LRFN2: variants seen among roughly 807,000 people sequenced by gnomAD.
LRFN2 encodes the protein leucine-rich repeat and fibronectin type-III domain-containing protein 2.
In LRFN2, 18 loss-of-function variants were observed where a neutral mutation model predicts 37.3. That is an observed-to-expected ratio of 0.48 (90% CI 0.33 to 0.72). The LOEUF (loss-of-function observed/expected upper bound fraction) is 0.72, where lower values mean the gene tolerates loss of function less well. Among genes scored for constraint, LRFN2 ranks in the 30% least tolerant of loss-of-function variants. The pLI, the probability that LRFN2 is intolerant of heterozygous loss-of-function variation, is 0.02. For missense variants in LRFN2, 1,006 were observed against 1,060.7 expected, an observed-to-expected ratio of 0.95 and a Z score of 0.72; for synonymous variants, 556 against 466.6, an observed-to-expected ratio of 1.19 and a Z score of -2.47.
intron 1 of LRFN2, among the ~76,000 whole-genome samples, chr6:40,449,970 T>A (rs56788449): frequency 0.016 from 2,484 of 152,300 alleles, 69 homozygotes; most frequent in African/African-American, 0.055. Flanking sequence ...CTAACTGATA[T>A]GAATTTCCAA....
intron 2 of LRFN2, 108 bp downstream of exon 2, chr6:40,431,606 A>G (rs1581699137): frequency 1.1e-6 from 1 of 915,418 alleles, no homozygotes; most frequent in South Asian, 2.5e-5. Context: ...CCCCACAGAC[A>G]CCTTTGGGGA....
At chr6:40,561,218 TC>T (rs1766987879) in intron 1 of LRFN2, among the ~76,000 whole-genome samples, 2 of 152,036 alleles carry the variant, frequency 1.3e-5, no homozygotes, top group South Asian at 4.2e-4. Context: ...CAGGGACTGG[TC>T]CCCTACCTTC....
intron 1 of LRFN2, among the ~76,000 whole-genome samples, chr6:40,510,640 A>C (rs1399181567): frequency 6.6e-6 from 1 of 152,220 alleles, no homozygotes; most frequent in Non-Finnish European, 1.5e-5. Flanking sequence ...ACATTCAAAC[A>C]CAGAAGCCAG....
At chr6:40,446,352 C>T (rs74889415) in intron 1 of LRFN2, among the ~76,000 whole-genome samples, 6,455 of 152,294 alleles carry the variant, frequency 0.042, 234 homozygotes, top group East Asian at 0.18. Flanking sequence ...CTAGGGCCCA[C>T]GAAGGCCATA....
chr6:40,518,236 G>A (rs973025026), intron 1 of LRFN2, among the ~76,000 whole-genome samples: 1 of 152,186 alleles, frequency 6.6e-6, no homozygotes, highest in Admixed American at 6.5e-5. Context: ...CATTTTTCAT[G>A]TAACATCTTA....
chr6:40,453,505 C>T (rs959432572), intron 1 of LRFN2, among the ~76,000 whole-genome samples: 21 of 138,786 alleles, frequency 1.5e-4, no homozygotes, highest in African/African-American at 5.6e-4. Flanking sequence ...TGTTACTCCC[C>T]CAAGCCAAAC....
intron 1 of LRFN2, among the ~76,000 whole-genome samples, chr6:40,434,000 A>C (rs1437993065): frequency 6.6e-6 from 1 of 152,214 alleles, no homozygotes; most frequent in African/African-American, 2.4e-5. Flanking sequence ...ACCTTCTCCC[A>C]GAGGCCTTCC....
intron 2 of LRFN2, among the ~76,000 whole-genome samples, chr6:40,411,930 C>T (rs574117663): frequency 9.9e-5 from 15 of 152,208 alleles, no homozygotes; most frequent in South Asian, 4.2e-4. Flanking sequence ...TTTTGTTGAC[C>T]GATGTGTTCT....
In LRFN2 at chr6:40,482,949, G is replaced by C. The variant is rs137951571; in HGVS notation, c.-18-49818C>G. On this transcript the variant is annotated intron_variant, in intron 1 of 2. Coordinates refer to ENST00000338305, the MANE Select transcript of LRFN2 (RefSeq NM_020737.3). ...GTGCCCACGCCACTGCCAGCTCCCTGTCCCTGCTGCAGCCACTGTCCCTCT... is the reference window on the plus strand; with the variant it reads ...GTGCCCACGCCACTGCCAGCTCCCTCTCCCTGCTGCAGCCACTGTCCCTCT... Among the ~76,000 whole-genome samples, 278 of 152,358 alleles carry C rather than the reference G, an allele frequency of 1.8e-3. 2 individuals carry two copies. Among genetic ancestry groups the C allele is most frequent in the African/African-American group, 6.0e-3 (251 of 41,584 alleles).
intron 1 of LRFN2, among the ~76,000 whole-genome samples, chr6:40,540,740 A>G (rs1236489765): frequency 6.6e-6 from 1 of 152,196 alleles, no homozygotes; most frequent in East Asian, 1.9e-4. Context: ...CAACTCACCC[A>G]GCGGTGGGGC....
At chr6:40,573,526 G>C (rs1235402758) in intron 1 of LRFN2, among the ~76,000 whole-genome samples, 1 of 152,222 alleles carries the variant, frequency 6.6e-6, no homozygotes, top group Non-Finnish European at 1.5e-5. Context: ...GCAGCTAAGA[G>C]AGGCTCCATC....
chr6:40,573,894 G>A (rs1352074185), intron 1 of LRFN2, among the ~76,000 whole-genome samples: 2 of 152,230 alleles, frequency 1.3e-5, no homozygotes, highest in African/African-American at 2.4e-5. Flanking sequence ...CTGGGAGGCA[G>A]AGGTTGCAGT....
At chr6:40,435,713 T>C (rs1014892173) in intron 1 of LRFN2, among the ~76,000 whole-genome samples, 5 of 152,094 alleles carry the variant, frequency 3.3e-5, no homozygotes, top group African/African-American at 9.7e-5. Flanking sequence ...TAATTTTTTG[T>C]GTTTTTAGTA....
At chr6:40,423,114 C>A (rs1348872518) in intron 2 of LRFN2, among the ~76,000 whole-genome samples, 1 of 152,130 alleles carries the variant, frequency 6.6e-6, no homozygotes, top group African/African-American at 2.4e-5. Flanking sequence ...TAGAAGGTGC[C>A]CTGAAAAACA....
intron 1 of LRFN2, among the ~76,000 whole-genome samples, chr6:40,462,314 C>T (rs1425692554): frequency 2.6e-5 from 4 of 152,238 alleles, no homozygotes; most frequent in Admixed American, 2.6e-4. Context: ...GTGTGGATTA[C>T]AAATGAAGCT....
intron 1 of LRFN2, among the ~76,000 whole-genome samples, chr6:40,540,336 G>A (rs571194075): frequency 1.2e-4 from 18 of 152,304 alleles, no homozygotes; most frequent in Admixed American, 1.2e-3. Flanking sequence ...GGGTTCAGGA[G>A]TGCCATCTGT....
At chr6:40,458,750 C>T (rs1382711390) in intron 1 of LRFN2, among the ~76,000 whole-genome samples, 2 of 152,172 alleles carry the variant, frequency 1.3e-5, no homozygotes, top group Non-Finnish European at 2.9e-5. Context: ...AACTGTTCTT[C>T]TTGGCTTCTC....
At chr6:40,506,481 A>G (rs142685193) in intron 1 of LRFN2, among the ~76,000 whole-genome samples, 26 of 152,288 alleles carry the variant, frequency 1.7e-4, no homozygotes, top group Admixed American at 5.9e-4. Context: ...ATATTCTAGA[A>G]CTGTGACGCT....
chr6:40,475,141 AC>A (rs767310482), intron 1 of LRFN2, among the ~76,000 whole-genome samples: 24 of 152,170 alleles, frequency 1.6e-4, no homozygotes, highest in Non-Finnish European at 1.8e-4. Flanking sequence ...GGGGCAGAGG[AC>A]CCTTGCTCCA....
Sources: allele counts gnomAD v4.1 joint callset (sites outside exome capture counted in the v4.1 genomes callset), GRCh38; gene constraint gnomAD v4.1.1; transcripts MANE v1.5; gene names NCBI Gene and HGNC (gene_info 2026-07-23, HGNC 2026-07-21).